The following OPN5 variants were observed in gnomAD, a reference collection of about 807,000 sequenced individuals.
OPN5 encodes opsin-5.
A neutral mutation model predicts 41.7 loss-of-function variants in OPN5; 18 were observed. The ratio of observed to expected loss-of-function variants is 0.43; its 90% CI spans 0.30 to 0.64. OPN5 has a LOEUF of 0.64. Among genes scored for constraint, OPN5 ranks in the 30% least tolerant of loss-of-function variants. The pLI is 0.13. For synonymous variants in OPN5, 178 were observed against 164.3 expected (o/e 1.08, Z -0.64); for missense variants, 318 against 434.5 (o/e 0.73, Z 2.38).
intron 1 of OPN5, among the ~76,000 whole-genome samples, chr6:47,782,912 C>T (rs988721211): frequency 6.6e-6 from 1 of 151,972 alleles, no homozygotes; most frequent in Admixed American, 6.6e-5. Context: ...ATACTGAAGG[C>T]TCAGTACAAC....
chr6:47,810,025 A>C (rs1404090177), intron 5 of OPN5, among the ~76,000 whole-genome samples: 1 of 152,222 alleles, frequency 6.6e-6, no homozygotes, highest in South Asian at 2.1e-4. Flanking sequence ...TTCAATACTC[A>C]ACAATGGGAA....
At chr6:47,817,297 T>C (rs1762459022) in intron 6 of OPN5, among the ~76,000 whole-genome samples, 3 of 152,142 alleles carry the variant, frequency 2.0e-5, no homozygotes, top group Admixed American at 2.0e-4. Context: ...GCACAACTTC[T>C]TACTGTAGAT....
chr6:47,798,040 C>T (rs1195901544), intron 4 of OPN5, among the ~76,000 whole-genome samples: 2 of 149,720 alleles, frequency 1.3e-5, no homozygotes, highest in Admixed American at 1.3e-4. Flanking sequence ...ATAGGCTTGC[C>T]CTAGATCAGG....
intron 5 of OPN5, among the ~76,000 whole-genome samples, chr6:47,809,495 G>C (rs1202502729): frequency 2.6e-5 from 4 of 152,180 alleles, no homozygotes; most frequent in African/African-American, 9.7e-5. Context: ...CTGTGGTATA[G>C]GGGAAGACAC....
intron 6 of OPN5, among the ~76,000 whole-genome samples, chr6:47,818,567 C>T (rs1380007116): frequency 6.6e-6 from 1 of 152,150 alleles, no homozygotes; most frequent in African/African-American, 2.4e-5. Flanking sequence ...TCTCAATCTG[C>T]AGTTGAGCCT....
chr6:47,817,717 A>C (rs1762473097), intron 6 of OPN5, among the ~76,000 whole-genome samples: 1 of 152,180 alleles, frequency 6.6e-6, no homozygotes, highest in Non-Finnish European at 1.5e-5. Context: ...TTCCCATTGG[A>C]TGTGGTCACA....
Position 47,795,535 on chromosome 6 carries a change from GC to G in OPN5, c.730del (p.His244MetfsTer5). The G allele has an allele frequency of 6.2e-7, 1 of 1,613,594 alleles. No individual in the cohort carries two copies. The highest frequency in any genetic ancestry group is 1.1e-5 in the South Asian group (1 of 91,070). ...CATTTCGACAGTCGGATCCATAGCA[GC>G]CATGTGCTGGAAATGAAACTGACAA... On this transcript the variant is annotated frameshift_variant, in exon 4 of 7. Transcript: ENST00000371211. LOFTEE classifies it high-confidence loss of function.
At chr6:47,796,333 G>A (rs763330299) in intron 4 of OPN5, among the ~76,000 whole-genome samples, 2 of 152,166 alleles carry the variant, frequency 1.3e-5, no homozygotes, top group Non-Finnish European at 2.9e-5. Flanking sequence ...TGCATAGAAG[G>A]TGTTAGAGCA....
At chr6:47,823,717 G>C (rs966113423) in intron 6 of OPN5, among the ~76,000 whole-genome samples, 9 of 152,166 alleles carry the variant, frequency 5.9e-5, no homozygotes, top group African/African-American at 1.9e-4. Flanking sequence ...TATGTATTGG[G>C]AGACTTTGGA....
At chr6:47,820,432 T>A (rs760528228) in intron 6 of OPN5, among the ~76,000 whole-genome samples, 3 of 152,222 alleles carry the variant, frequency 2.0e-5, no homozygotes, top group Admixed American at 2.0e-4. Context: ...CGATTTATTC[T>A]GTATGTAGAT....
intron 4 of OPN5, among the ~76,000 whole-genome samples, chr6:47,799,265 A>G (rs570606422): frequency 7.9e-5 from 12 of 152,056 alleles, no homozygotes; most frequent in African/African-American, 2.7e-4. Context: ...ATACATATAC[A>G]TATGATTATA....
At chr6:47,794,909 C>T (rs1410579128) in intron 3 of OPN5, 9 of 243,840 alleles carry the variant, frequency 3.7e-5, no homozygotes, top group Admixed American at 3.0e-4. Flanking sequence ...ACACCCTTTC[C>T]GAGATGTTTT....
At chr6:47,825,557 A>G (rs1228734793), downstream of OPN5, 1 of 152,190 alleles carries the variant, frequency 6.6e-6, no homozygotes, top group African/African-American at 2.4e-5. Context: ...GATGAACATG[A>G]GTCTTCAAGT....
chr6:47,805,587 T>C (rs1773929529), intron 4 of OPN5, among the ~76,000 whole-genome samples: 1 of 152,000 alleles, frequency 6.6e-6, no homozygotes, highest in Non-Finnish European at 1.5e-5. Context: ...ACACACCCCA[T>C]AGACAGGCTG....
chr6:47,811,572 ATAG>A (rs1774205217), intron 5 of OPN5, 99 bp from the exon 6 acceptor site: 4 of 559,472 alleles, frequency 7.1e-6, no homozygotes, highest in Admixed American at 2.5e-5. Flanking sequence ...CATAATCCTC[ATAG>A]TAGTCGTTTG....
intron 5 of OPN5, among the ~76,000 whole-genome samples, chr6:47,810,292 G>GAGAT (rs1774140716): frequency 6.6e-6 from 1 of 152,222 alleles, no homozygotes; most frequent in South Asian, 2.1e-4. Context: ...GAATGCTGAA[G>GAGAT]AGATATTGAG....
intron 6 of OPN5, among the ~76,000 whole-genome samples, chr6:47,812,317 A>G (rs1762270357): frequency 6.6e-6 from 1 of 152,196 alleles, no homozygotes; most frequent in South Asian, 2.1e-4. Context: ...TGAAGACAAC[A>G]GTAATTTCCG....
chr6:47,816,275 TA>T (rs1289157145), intron 6 of OPN5, among the ~76,000 whole-genome samples: 1 of 152,180 alleles, frequency 6.6e-6, no homozygotes, highest in Non-Finnish European at 1.5e-5. Flanking sequence ...CTGTATATTG[TA>T]AATACTTTAA....
chr6:47,806,694 A>G (rs1487765582), intron 4 of OPN5, among the ~76,000 whole-genome samples: 3 of 152,208 alleles, frequency 2.0e-5, no homozygotes, highest in South Asian at 4.1e-4. Flanking sequence ...AATGCCATAC[A>G]AAACCCTGAA....
Sources: allele counts gnomAD v4.1 joint callset (sites outside exome capture counted in the v4.1 genomes callset), GRCh38; gene constraint gnomAD v4.1.1; transcripts MANE v1.5; gene names NCBI Gene and HGNC (gene_info 2026-07-23, HGNC 2026-07-21).